The following GART variants were observed in gnomAD, a reference collection of about 807,000 sequenced individuals.
GART encodes phosphoribosylglycinamide formyltransferase, phosphoribosylglycinamide synthetase, phosphoribosylaminoimidazole synthetase.
GART carries 43 observed loss-of-function variants against 107.2 expected under a neutral mutation model. The observed-to-expected ratio is 0.40, with a 90% CI of 0.31 to 0.52. GART has a LOEUF of 0.52. Among genes scored for constraint, GART ranks in the 20% least tolerant of loss-of-function variants. The probability of loss-of-function intolerance (pLI) is 0.52; values close to 1 mark genes in which losing one functional copy is unlikely to be tolerated. For synonymous variants in GART, 434 were observed against 427.0 expected, an observed-to-expected ratio of 1.02 and a Z score of -0.20; for missense variants, 1,107 against 1,206.5, an observed-to-expected ratio of 0.92 and a Z score of 1.22.
chr21:33,519,868 G>A (rs2084939752), intron 14 of GART, among the ~76,000 whole-genome samples: 1 of 148,238 alleles, frequency 6.7e-6, no homozygotes, highest in Admixed American at 6.8e-5. Flanking sequence ...TTTGTTCCTT[G>A]ATCAACCTAC....
Position 33,511,376 on chromosome 21 carries a change from T to A in GART, c.2190A>T (p.Thr730=). The A allele has an allele frequency of 6.2e-7, 1 of 1,614,168 alleles. No homozygotes were observed. The highest frequency in any genetic ancestry group is 8.5e-7 in the Non-Finnish European group (1 of 1,180,016). ...GGACAGCGCCAACCCCACAGTTAAA[T>A]GTTCTGGCCATCTCTTCCTCAGAGA... The part of the protein sequence containing the change: ...GHLSEEEMAR[T]FNCGVGAVLV... The change falls in exon 17 of 22, where the codon ACA becomes ACT. Residue 730 remains threonine (T), a synonymous_variant. Coordinates refer to ENST00000381815, the MANE Select transcript of GART (RefSeq NM_000819.5).
chr21:33,534,296 T>C (rs1055538860), intron 4 of GART, among the ~76,000 whole-genome samples: 2 of 152,084 alleles, frequency 1.3e-5, no homozygotes, highest in African/African-American at 4.8e-5. Flanking sequence ...CAGTGCAGCC[T>C]CCGCCTCCTG....
chr21:33,512,721 T>C (rs973675139), intron 16 of GART, among the ~76,000 whole-genome samples: 2 of 151,452 alleles, frequency 1.3e-5, no homozygotes, highest in Non-Finnish European at 2.9e-5. Flanking sequence ...CCTGAGTAGC[T>C]GGGACTACAG....
At chr21:33,536,008 G>A (rs1429199953) in intron 2 of GART, among the ~76,000 whole-genome samples, 1 of 148,666 alleles carries the variant, frequency 6.7e-6, no homozygotes, top group African/African-American at 2.4e-5. Context: ...AGCCTGGGTA[G>A]ATAACAAGAA....
chr21:33,518,789 G>A (rs62227660), intron 14 of GART: 97,593 of 487,012 alleles, frequency 0.2, 10,955 homozygotes, highest in Non-Finnish European at 0.23. Context: ...TTTGGGCAGA[G>A]CTTCAGTCGG....
intron 2 of GART, among the ~76,000 whole-genome samples, chr21:33,538,014 G>A (rs577608983): frequency 5.1e-4 from 78 of 152,000 alleles, no homozygotes; most frequent in African/African-American, 1.7e-3. Context: ...AGGCTGAGGC[G>A]GGCAGATCAC....
chr21:33,531,039 C>T (rs1186380024), intron 6 of GART, 155 bp from the exon 7 acceptor site: 1 of 523,204 alleles, frequency 1.9e-6, no homozygotes, highest in Non-Finnish European at 3.0e-6. Context: ...TAACATTAAG[C>T]TACATACATC....
chr21:33,511,558 T>C, intron 16 of GART, 100 bp from the exon 17 acceptor site: 1 of 1,206,398 alleles, frequency 8.3e-7, no homozygotes, highest in South Asian at 1.3e-5. Context: ...AATCAGGCTC[T>C]GCTATTTTAT....
chr21:33,515,833 G>A (rs2084867708), intron 16 of GART, among the ~76,000 whole-genome samples: 1 of 151,984 alleles, frequency 6.6e-6, no homozygotes, highest in Non-Finnish European at 1.5e-5. Flanking sequence ...CAATCTAGTG[G>A]GTGGTATCTA....
At chr21:33,538,514 T>C (rs1314154590) in intron 2 of GART, among the ~76,000 whole-genome samples, 3 of 152,164 alleles carry the variant, frequency 2.0e-5, no homozygotes, top group Non-Finnish European at 4.4e-5. Flanking sequence ...ATTGTAAGCG[T>C]GAGCCACTGC....
intron 16 of GART, 55 bp from the exon 17 acceptor site, chr21:33,511,513 A>C: frequency 6.7e-7 from 1 of 1,495,946 alleles, no homozygotes; most frequent in Non-Finnish European, 9.3e-7. Context: ...CACAAAGTAC[A>C]AAAGTATGCA....
At chr21:33,511,592 C>T (rs2084787069) in intron 16 of GART, 134 bp from the exon 17 acceptor site, 1 of 888,170 alleles carries the variant, frequency 1.1e-6, no homozygotes, top group Non-Finnish European at 1.7e-6. Context: ...ATAAATTGGC[C>T]TCTGAGAACT....
chr21:33,520,764 G>A (rs181940225), intron 13 of GART, 142 bp downstream of exon 13: 11 of 723,592 alleles, frequency 1.5e-5, no homozygotes, highest in South Asian at 9.7e-5. Flanking sequence ...TATTAGAAAT[G>A]TGCAGATATT....
chr21:33,511,260 C>T lies in GART; in HGVS notation c.2306G>A (p.Arg769Gln), dbSNP rs752969843. Residue 769 changes from arginine (R) to glutamine (Q), a missense_variant, in exon 17 of 22, where the codon CGA (arginine) becomes CAA (glutamine). Arg to Gln is a conservative substitution (Grantham distance 43, BLOSUM62 1). Transcript: ENST00000381815. ...GAGTAAGGAGCAAGTACCTTCAGCTCGTGCAACCACACTGCCAATCACCCA... is the reference window on the plus strand; with the variant it reads ...GAGTAAGGAGCAAGTACCTTCAGCTTGTGCAACCACACTGCCAATCACCCA... The part of the protein sequence containing the change: ...EAWVIGSVVA[R>Q]AEGSPRVKVK... 48 of 1,613,996 alleles carry T rather than the reference C, an allele frequency of 3.0e-5. No homozygotes were observed. Among genetic ancestry groups the T allele is most frequent in the South Asian group, 4.4e-5 (4 of 91,088 alleles).
intron 18 of GART, 107 bp from the exon 19 acceptor site, chr21:33,506,211 TGGGTTCACTGCAACCTCCACCTCCC>T: frequency 1.6e-6 from 2 of 1,233,114 alleles, no homozygotes; most frequent in Non-Finnish European, 2.2e-6. Flanking sequence ...TGCCACGATC[TGGGTTCACTGCAACCTCCACCTCCC>T]GGGTTCAAGC....
chr21:33,518,676 A>C (rs1159636684), intron 14 of GART: 1 of 438,528 alleles, frequency 2.3e-6, no homozygotes, highest in Admixed American at 2.7e-5. Flanking sequence ...GACTCAATTC[A>C]GTTTGCCTCA....
intron 17 of GART, chr21:33,510,326 G>GA (rs2084762406): frequency 6.4e-6 from 1 of 155,300 alleles, no homozygotes; most frequent in African/African-American, 2.4e-5. Flanking sequence ...AGAAAAAGAG[G>GA]GTCTCTCTTT....
At chr21:33,511,520 T>C (rs1601179256) in intron 16 of GART, 62 bp from the exon 17 acceptor site, 3 of 1,465,230 alleles carry the variant, frequency 2.0e-6, no homozygotes, top group East Asian at 4.5e-5. Context: ...TACAAAAGTA[T>C]GCACATATTC....
chr21:33,539,025 A>C (rs1262635874), intron 2 of GART, 146 bp downstream of exon 2: 1 of 598,732 alleles, frequency 1.7e-6, no homozygotes, highest in South Asian at 2.4e-5. Context: ...CATGATCCGC[A>C]TATCTCGGCC....
Sources: allele counts gnomAD v4.1 joint callset (sites outside exome capture counted in the v4.1 genomes callset), GRCh38; gene constraint gnomAD v4.1.1; transcripts MANE v1.5; gene names NCBI Gene and HGNC (gene_info 2026-07-23, HGNC 2026-07-21).